The following TTC27 variants were observed in gnomAD, a reference collection of about 807,000 sequenced individuals.
TTC27 encodes tetratricopeptide repeat protein 27.
A neutral mutation model predicts 115.9 loss-of-function variants in TTC27; 79 were observed. The ratio of observed to expected loss-of-function variants is 0.68; its 90% CI spans 0.57 to 0.82. The LOEUF is 0.82. Among genes scored for constraint, TTC27 ranks in the 40% least tolerant of loss-of-function variants. TTC27 has a pLI of 0.00. For synonymous variants in TTC27, 401 were observed against 356.0 expected, an observed-to-expected ratio of 1.13 and a Z score of -1.42; for missense variants, 1,054 against 993.1, an observed-to-expected ratio of 1.06 and a Z score of -0.82.
At chr2:32,693,174 G>A (rs1339551685) in intron 9 of TTC27, among the ~76,000 whole-genome samples, 1 of 152,010 alleles carries the variant, frequency 6.6e-6, no homozygotes, top group Non-Finnish European at 1.5e-5. Flanking sequence ...GTTTTTTCGT[G>A]AAGCTAAAAC....
intron 13 of TTC27, among the ~76,000 whole-genome samples, chr2:32,765,007 T>A (rs1013414273): frequency 2.6e-5 from 4 of 152,170 alleles, no homozygotes; most frequent in African/African-American, 4.8e-5. Flanking sequence ...TCCATGAAAG[T>A]TGGAATCAGC....
At chr2:32,666,003 A>G (rs1314369594) in intron 6 of TTC27, among the ~76,000 whole-genome samples, 1 of 152,234 alleles carries the variant, frequency 6.6e-6, no homozygotes, top group South Asian at 2.1e-4. Context: ...CCAGACTCAT[A>G]ACAGGATAAA....
intron 18 of TTC27, among the ~76,000 whole-genome samples, chr2:32,815,742 G>T (rs1214193221): frequency 6.6e-6 from 1 of 152,138 alleles, no homozygotes; most frequent in African/African-American, 2.4e-5. Context: ...CGCTGCCATG[G>T]TGGTTACAAC....
Position 32,640,490 on chromosome 2 carries a change from C to A in TTC27, c.537+80C>A. 4 of 1,405,012 alleles carry A rather than the reference C, an allele frequency of 2.8e-6. No homozygotes were observed. In the South Asian group the frequency reaches 4.0e-5, roughly 14 times the overall value. The allele number at this position is 1,405,012 out of a possible 1,614,324, so 87.0% of individuals were successfully genotyped here. On this transcript the variant is annotated intron_variant, in intron 4 of 19. Transcript: ENST00000317907. ...CACCAGGCTGTAGATGTGTTGCTGA[C>A]AATGTCTTGGTCTATTTTGTTTTCT...
intron 16 of TTC27, among the ~76,000 whole-genome samples, chr2:32,792,551 A>G (rs2148027575): frequency 6.6e-6 from 1 of 152,140 alleles, no homozygotes; most frequent in South Asian, 2.1e-4. Context: ...TCTCTCTCTG[A>G]TAACTGAGGT....
chr2:32,767,453 G>GTTTTTTTTTTTTTTTTTTT (rs397754905), intron 13 of TTC27, among the ~76,000 whole-genome samples: 1 of 114,228 alleles, frequency 8.8e-6, no homozygotes, highest in Non-Finnish European at 1.7e-5. Flanking sequence ...GTTTTTTTTT[G>GTTTTTTTTTTTTTTTTTTT]TTTTTTTTTT....
At position 32,769,368 on chromosome 2, in the gene TTC27, A is replaced by G. The variant is rs922300303; in HGVS notation, c.1681-8514A>G. On this transcript the variant is annotated intron_variant, in intron 13 of 19. Coordinates refer to ENST00000317907, the MANE Select transcript of TTC27 (RefSeq NM_017735.5). The stretch of plus-strand genomic sequence containing the variant: ...ATTTGGAGCTCACTGATGACATTCA[A>G]AAACAGATTCAGGAGAGTAAAGGGT... Among the ~76,000 whole-genome samples, 7 of 152,236 alleles carry G rather than the reference A, an allele frequency of 4.6e-5. 1 individual carries two copies. The highest frequency in any genetic ancestry group is 1.0e-4 in the Non-Finnish European group (7 of 68,038).
At chr2:32,777,467 A>G (rs931394841) in intron 13 of TTC27, among the ~76,000 whole-genome samples, 5 of 152,236 alleles carry the variant, frequency 3.3e-5, no homozygotes, top group Admixed American at 6.5e-5. Context: ...CACAGTGCAA[A>G]TGCTATATAA....
intron 13 of TTC27, among the ~76,000 whole-genome samples, chr2:32,763,785 A>G (rs1558331567): frequency 6.6e-6 from 1 of 152,222 alleles, no homozygotes; most frequent in Non-Finnish European, 1.5e-5. Context: ...TTGTTCACTT[A>G]TACCCACTTG....
intron 5 of TTC27, among the ~76,000 whole-genome samples, chr2:32,657,654 T>TA (rs1385008560): frequency 6.6e-6 from 1 of 152,144 alleles, no homozygotes; most frequent in East Asian, 1.9e-4. Flanking sequence ...TTATAGGTGA[T>TA]ACAGTAGATT....
chr2:32,792,235 T>C (rs1217966634), intron 16 of TTC27, among the ~76,000 whole-genome samples: 2 of 152,140 alleles, frequency 1.3e-5, no homozygotes, highest in Non-Finnish European at 2.9e-5. Context: ...GCCAATGAAA[T>C]TGAAGTTCTG....
chr2:32,658,487 C>T (rs938399817), intron 5 of TTC27, among the ~76,000 whole-genome samples: 7 of 152,178 alleles, frequency 4.6e-5, no homozygotes, highest in African/African-American at 1.2e-4. Context: ...AATTAAATAA[C>T]GCAACATGTA....
intron 12 of TTC27, among the ~76,000 whole-genome samples, chr2:32,739,794 C>T (rs759801600): frequency 2.6e-5 from 4 of 152,174 alleles, no homozygotes; most frequent in African/African-American, 4.8e-5. Flanking sequence ...ATTTCTAAAA[C>T]AGCTGATACT....
intron 16 of TTC27, among the ~76,000 whole-genome samples, chr2:32,801,979 A>C (rs1670958879): frequency 6.6e-6 from 1 of 152,222 alleles, no homozygotes; most frequent in Non-Finnish European, 1.5e-5. Flanking sequence ...ATTTGTGAGA[A>C]GTTTCTGTTA....
At chr2:32,763,462 T>C (rs1441427647) in intron 13 of TTC27, among the ~76,000 whole-genome samples, 1 of 152,242 alleles carries the variant, frequency 6.6e-6, no homozygotes, top group African/African-American at 2.4e-5. Context: ...GAATGGCTTC[T>C]GCACCTCTTA....
intron 13 of TTC27, among the ~76,000 whole-genome samples, chr2:32,768,047 A>G (rs537789330): frequency 6.6e-6 from 1 of 152,352 alleles, no homozygotes; most frequent in East Asian, 1.9e-4. Context: ...TAAAATATCA[A>G]TGACATGGTA....
chr2:32,692,566 T>C (rs1572520299), intron 9 of TTC27, among the ~76,000 whole-genome samples: 1 of 152,216 alleles, frequency 6.6e-6, no homozygotes, highest in East Asian at 1.9e-4. Flanking sequence ...TTTTATGTTA[T>C]ATGTATTTTA....
chr2:32,682,080 C>T (rs1457938909), intron 9 of TTC27, among the ~76,000 whole-genome samples: 1 of 147,256 alleles, frequency 6.8e-6, no homozygotes, highest in Non-Finnish European at 1.5e-5. Context: ...GGGCTCTGTT[C>T]TTTTCTAGGC....
At chr2:32,695,755 G>A (rs1666964832) in intron 9 of TTC27, among the ~76,000 whole-genome samples, 1 of 144,964 alleles carries the variant, frequency 6.9e-6, no homozygotes, top group Non-Finnish European at 1.5e-5. Flanking sequence ...AAAAAGCTGG[G>A]TGTGGTGGCG....
Sources: gnomAD v4.1 joint callset for allele counts (sites outside exome capture counted in the v4.1 genomes callset) on GRCh38, gnomAD v4.1.1 for gene constraint, MANE v1.5 for transcripts, NCBI Gene and HGNC (gene_info 2026-07-23, HGNC 2026-07-21) for gene names.